GRM7: variants seen among roughly 807,000 people sequenced by gnomAD.
The protein encoded by GRM7 is metabotropic glutamate receptor 7.
GRM7 carries 35 observed loss-of-function variants against 84.5 expected under a neutral mutation model. The observed-to-expected ratio is 0.41, with a 90% CI of 0.32 to 0.55. The LOEUF is 0.55. GRM7 is among the 20% of genes least tolerant of loss of function. The probability of loss-of-function intolerance (pLI) is 0.19; values close to 1 mark genes in which losing one functional copy is unlikely to be tolerated. For synonymous variants in GRM7, 487 were observed against 455.1 expected (o/e 1.07, Z -0.89); for missense variants, 1,003 against 1,194.6 (o/e 0.84, Z 2.36).
chr3:7,207,244 G>A (rs778131339), intron 2 of GRM7, among the ~76,000 whole-genome samples: 2 of 152,112 alleles, frequency 1.3e-5, no homozygotes, highest in South Asian at 4.1e-4. Context: ...GGCAATGCCC[G>A]AGGAGTTTGG....
intron 8 of GRM7, among the ~76,000 whole-genome samples, chr3:7,662,869 C>T (rs1240939554): frequency 6.6e-6 from 1 of 151,974 alleles, no homozygotes; most frequent in Non-Finnish European, 1.5e-5. Flanking sequence ...TATCTAGGCA[C>T]AAAAAGTAAG....
chr3:7,719,345 C>T (rs1234947246), intron 9 of GRM7, among the ~76,000 whole-genome samples: 1 of 152,122 alleles, frequency 6.6e-6, no homozygotes, highest in African/African-American at 2.4e-5. Context: ...TCTAATTGTG[C>T]CCCTGCGTTT....
intron 2 of GRM7, among the ~76,000 whole-genome samples, chr3:7,261,886 T>TTTCC (rs1698435129): frequency 3.5e-5 from 5 of 143,060 alleles, no homozygotes; most frequent in African/African-American, 1.3e-4. Context: ...TCTGTCAGAA[T>TTTCC]TCCCTCCCTC....
chr3:7,669,247 G>C (rs1170820961), intron 8 of GRM7, among the ~76,000 whole-genome samples: 1 of 152,210 alleles, frequency 6.6e-6, no homozygotes. Flanking sequence ...AGTAAAACAA[G>C]ATGGGCATAA....
chr3:7,581,939 T>C (rs1354856063), intron 8 of GRM7, among the ~76,000 whole-genome samples: 1 of 152,200 alleles, frequency 6.6e-6, no homozygotes, highest in Non-Finnish European at 1.5e-5. Context: ...CACTGCTATC[T>C]TGTTTTATCA....
intron 2 of GRM7, among the ~76,000 whole-genome samples, chr3:7,292,090 T>C (rs547347826): frequency 2.0e-5 from 3 of 152,294 alleles, no homozygotes; most frequent in African/African-American, 7.2e-5. Flanking sequence ...ATTAAAGCTC[T>C]TTTTCTTTAT....
At chr3:6,875,550 G>A (rs555778772) in intron 1 of GRM7, among the ~76,000 whole-genome samples, 265 of 152,230 alleles carry the variant, frequency 1.7e-3, no homozygotes, top group African/African-American at 5.8e-3. Flanking sequence ...CTCCCCAGCC[G>A]TGTGGAACTG....
At chr3:7,159,403 A>G (rs1273601844) in intron 2 of GRM7, among the ~76,000 whole-genome samples, 1 of 152,164 alleles carries the variant, frequency 6.6e-6, no homozygotes, top group Non-Finnish European at 1.5e-5. Context: ...GGGTGAGACT[A>G]ACTTCTTTAT....
chr3:6,876,599 AT>A (rs34723690), intron 1 of GRM7, among the ~76,000 whole-genome samples: 47 of 124,100 alleles, frequency 3.8e-4, no homozygotes, highest in Admixed American at 8.1e-4. Flanking sequence ...TTTACCACTA[AT>A]TTTTTTTTTT....
At chr3:7,211,760 G>C (rs1559504769) in intron 2 of GRM7, among the ~76,000 whole-genome samples, 1 of 151,878 alleles carries the variant, frequency 6.6e-6, no homozygotes, top group Non-Finnish European at 1.5e-5. Context: ...TGCACTTTAG[G>C]GTTCACATCG....
In GRM7 at chr3:7,491,918, G is replaced by T. The variant is rs539263781; in HGVS notation, c.1515+30196G>T. Among the ~76,000 whole-genome samples the T allele has an allele frequency of 5.9e-5, 9 of 152,218 alleles. No individual in the cohort carries two copies. The South Asian group carries it at 1.9e-3, about 32-fold the overall frequency. ...CCTTTTCCAGCAAGTCTCTTGCGTT[G>T]CCCTGTTCTACCCGGCAAGGACCCA... is the stretch of plus-strand genomic sequence containing the variant. On this transcript the variant is annotated intron_variant, in intron 7 of 9. Coordinates refer to ENST00000357716, the MANE Select transcript of GRM7 (RefSeq NM_000844.4).
At chr3:7,181,731 C>A (rs552721131) in intron 2 of GRM7, among the ~76,000 whole-genome samples, 78 of 152,102 alleles carry the variant, frequency 5.1e-4, no homozygotes, top group Non-Finnish European at 1.0e-3. Flanking sequence ...GTCTCAGCCT[C>A]CCCAGTAGCT....
intron 7 of GRM7, among the ~76,000 whole-genome samples, chr3:7,462,811 G>C (rs182780049): frequency 6.6e-6 from 1 of 151,940 alleles, no homozygotes; most frequent in African/African-American, 2.4e-5. Context: ...ACTAAAATTG[G>C]GTCCAAAAGA....
intron 3 of GRM7, among the ~76,000 whole-genome samples, chr3:7,302,328 A>G (rs1204728150): frequency 6.6e-6 from 1 of 152,210 alleles, no homozygotes; most frequent in Non-Finnish European, 1.5e-5. Flanking sequence ...GAATTTTGTC[A>G]TCTTTTACAA....
At chr3:7,423,996 C>T (rs558409732) in intron 5 of GRM7, among the ~76,000 whole-genome samples, 1 of 152,246 alleles carries the variant, frequency 6.6e-6, no homozygotes, top group African/African-American at 2.4e-5. Context: ...CTGCTTCAGT[C>T]TCACTAATTT....
intron 2 of GRM7, among the ~76,000 whole-genome samples, chr3:7,163,875 C>T (rs1290165458): frequency 6.6e-6 from 1 of 152,094 alleles, no homozygotes; most frequent in Non-Finnish European, 1.5e-5. Flanking sequence ...TTTCTTGGAT[C>T]CCTTTTTAAA....
intron 5 of GRM7, among the ~76,000 whole-genome samples, chr3:7,432,791 A>T (rs1696885718): frequency 6.6e-6 from 1 of 152,120 alleles, no homozygotes. Context: ...ACACAGTCAA[A>T]GAGAGAATGC....
At chr3:7,062,263 C>A (rs1499146) in intron 1 of GRM7, among the ~76,000 whole-genome samples, 1 of 151,306 alleles carries the variant, frequency 6.6e-6, no homozygotes, top group African/African-American at 2.4e-5. Flanking sequence ...GTGAATGGAA[C>A]GGATAAAGCA....
intron 1 of GRM7, among the ~76,000 whole-genome samples, chr3:6,919,589 C>T (rs1697056026): frequency 2.0e-5 from 3 of 149,062 alleles, no homozygotes; most frequent in Admixed American, 2.0e-4. Flanking sequence ...TTTGGACACG[C>T]TGATCAGCTA....
Sources: gnomAD v4.1 joint callset for allele counts (sites outside exome capture counted in the v4.1 genomes callset) on GRCh38, gnomAD v4.1.1 for gene constraint, MANE v1.5 for transcripts, NCBI Gene and HGNC (gene_info 2026-07-23, HGNC 2026-07-21) for gene names.